Variants in KIAA1549L observed in about 807,000 individuals in gnomAD.
KIAA1549L encodes UPF0606 protein KIAA1549L.
Under a neutral mutation model 160.7 loss-of-function variants are expected in KIAA1549L, and 88 were observed. The observed-to-expected ratio is 0.55, with a 90% CI of 0.46 to 0.65. The LOEUF (loss-of-function observed/expected upper bound fraction) is 0.65, where lower values mean the gene tolerates loss of function less well. Ranked by LOEUF, KIAA1549L falls within the 30% of genes least tolerant of loss-of-function variation. The pLI is 0.00. For synonymous variants in KIAA1549L, 950 were observed against 976.7 expected, an observed-to-expected ratio of 0.97 and a Z score of 0.51; for missense variants, 2,258 against 2,437.5, an observed-to-expected ratio of 0.93 and a Z score of 1.55.
chr11:33,653,287 C>A (rs1360442528), intron 17 of KIAA1549L, among the ~76,000 whole-genome samples: 1 of 151,902 alleles, frequency 6.6e-6, no homozygotes, highest in African/African-American at 2.4e-5. Flanking sequence ...TACTGATGCT[C>A]AAAAAAAATT....
chr11:33,560,032 A>G, intron 7 of KIAA1549L, 121 bp downstream of exon 7: 1 of 940,184 alleles, frequency 1.1e-6, no homozygotes, highest in Non-Finnish European at 1.6e-6. Context: ...CAGCTAAAAT[A>G]TGTGATGGAT....
chr11:33,532,701 G>A (rs564560462), intron 1 of KIAA1549L, among the ~76,000 whole-genome samples: 1 of 152,260 alleles, frequency 6.6e-6, no homozygotes, highest in African/African-American at 2.4e-5. Context: ...CTCCATGAAT[G>A]TTTCTTAATT....
chr11:33,451,862 C>T (rs1165871302), intron 1 of KIAA1549L, among the ~76,000 whole-genome samples: 4 of 152,202 alleles, frequency 2.6e-5, no homozygotes, highest in Admixed American at 6.5e-5. Flanking sequence ...TGCTGGGACT[C>T]CTCTAGAGTT....
intron 6 of KIAA1549L, among the ~76,000 whole-genome samples, chr11:33,559,149 T>C (rs1246346942): frequency 6.6e-6 from 1 of 152,116 alleles, no homozygotes; most frequent in Non-Finnish European, 1.5e-5. Context: ...CTGAATTCCT[T>C]TTCTAATTAG....
At position 33,434,235 on chromosome 11, in the gene KIAA1549L, C is replaced by T. The variant is rs148435361; in HGVS notation, c.238+57346C>T. ...GGGGCAGTTTCTCCCATACTGTTCTCGTGGTAGTGAATAAGTCTCATGAGA... is the reference window on the plus strand; with the variant it reads ...GGGGCAGTTTCTCCCATACTGTTCTTGTGGTAGTGAATAAGTCTCATGAGA... On this transcript the variant is annotated intron_variant, in intron 1 of 20. Coordinates refer to ENST00000658780, the MANE Select transcript of KIAA1549L (RefSeq NM_012194.3). 9.9e-5 allele frequency among the ~76,000 whole-genome samples: 15 copies of T among 152,112 alleles called. 1 individual carries two copies. The highest frequency in any genetic ancestry group is 2.1e-4 in the South Asian group (1 of 4,816).
chr11:33,495,816 A>G (rs1355384546), intron 1 of KIAA1549L, among the ~76,000 whole-genome samples: 2 of 151,712 alleles, frequency 1.3e-5, no homozygotes, highest in Non-Finnish European at 2.9e-5. Context: ...AATGATTGCC[A>G]TTCTAACTGG....
intron 6 of KIAA1549L, among the ~76,000 whole-genome samples, chr11:33,554,412 A>T (rs1472185992): frequency 5.3e-5 from 8 of 152,252 alleles, no homozygotes. Context: ...AAGCAAAAAG[A>T]GGAAGTGATT....
chr11:33,517,340 G>A (rs559556986), intron 1 of KIAA1549L, among the ~76,000 whole-genome samples: 14 of 152,314 alleles, frequency 9.2e-5, no homozygotes, highest in Non-Finnish European at 1.9e-4. Context: ...CGCCTCTGTA[G>A]CTGGGGGAGC....
rs556430368 is a variant in KIAA1549L at position 33,645,586 on chromosome 11, C to G, written c.5410-100C>G. On this transcript the variant is annotated intron_variant, in intron 16 of 20. Coordinates refer to ENST00000658780, the MANE Select transcript of KIAA1549L (RefSeq NM_012194.3). ...GATATAATTTAAATTAGCACAGATG[C>G]ATCCTAGCACCTGTCCAAGTGAATG... 3 of 846,734 alleles carry G rather than the reference C, an allele frequency of 3.5e-6. No homozygotes were observed. In the African/African-American group the frequency reaches 5.1e-5, roughly 14 times the overall value. The allele number at this position is 846,734 out of a possible 1,614,324, so 52.5% of individuals were successfully genotyped here. A position where few individuals can be genotyped will look rare whatever the true frequency, so the allele number is the denominator to read the frequency against.
intron 1 of KIAA1549L, among the ~76,000 whole-genome samples, chr11:33,454,121 C>T (rs968057281): frequency 2.2e-4 from 34 of 152,202 alleles, no homozygotes; most frequent in African/African-American, 8.2e-4. Flanking sequence ...ACAGCTGTTA[C>T]ACAAGCTCTC....
Position 33,609,941 on chromosome 11 carries a change from G to A in KIAA1549L, c.5254G>A (p.Ala1752Thr). 1.9e-6 allele frequency: 3 copies of A among 1,613,876 alleles called. No individual in the cohort carries two copies. The highest frequency in any genetic ancestry group is 2.2e-5 in the South Asian group (2 of 91,056). ...TTTGGATCCAGATTCAGAACTCTGTGCTCCATTCACCGAGTCTAAAAACAG... is the reference window on the plus strand; with the variant it reads ...TTTGGATCCAGATTCAGAACTCTGTACTCCATTCACCGAGTCTAAAAACAG... ...HVLDPDSELCAPFTESKNRQQ... is the reference protein window; with the variant it reads ...HVLDPDSELCTPFTESKNRQQ... The change falls in exon 15 of 21, where the codon GCT becomes ACT. Residue 1752 changes from alanine to threonine, a missense_variant. Ala to Thr is a moderately conservative substitution (Grantham distance 58). This residue lies in a region of KIAA1549L where 1,359 missense variants were observed against 1,546.6 expected (regional missense o/e 0.88). Transcript: ENST00000658780.
chr11:33,398,397 G>A (rs932185779), intron 1 of KIAA1549L, among the ~76,000 whole-genome samples: 4 of 152,160 alleles, frequency 2.6e-5, no homozygotes, highest in African/African-American at 9.7e-5. Context: ...AAACTTTTAT[G>A]GCAATTAGGC....
chr11:33,581,131 C>T (rs1189509116), intron 10 of KIAA1549L, among the ~76,000 whole-genome samples: 7 of 152,082 alleles, frequency 4.6e-5, no homozygotes, highest in Admixed American at 4.6e-4. Context: ...GGGCTGGGAC[C>T]CCACTGGGAA....
chr11:33,648,708 C>G (rs1317456188), intron 17 of KIAA1549L, among the ~76,000 whole-genome samples: 1 of 151,706 alleles, frequency 6.6e-6, no homozygotes, highest in African/African-American at 2.4e-5. Context: ...AGAAATTGGA[C>G]TCCACATCTA....
intron 1 of KIAA1549L, among the ~76,000 whole-genome samples, chr11:33,426,492 A>G (rs66533705): frequency 0.2 from 30,730 of 152,060 alleles, 3,286 homozygotes; most frequent in African/African-American, 0.29. Flanking sequence ...TGAGATCCCC[A>G]GAGGCCCTCC....
intron 20 of KIAA1549L, among the ~76,000 whole-genome samples, chr11:33,664,074 A>T (rs571502088): frequency 6.6e-6 from 1 of 152,344 alleles, no homozygotes; most frequent in African/African-American, 2.4e-5. Context: ...TTTTCCTCTA[A>T]GATACAAATG....
intron 10 of KIAA1549L, among the ~76,000 whole-genome samples, chr11:33,575,697 G>A (rs1228135556): frequency 6.6e-6 from 1 of 152,228 alleles, no homozygotes; most frequent in Non-Finnish European, 1.5e-5. Context: ...AGAAGAAGGT[G>A]TGTGTATTCC....
At chr11:33,591,969 G>A (rs1168534488) in intron 12 of KIAA1549L, among the ~76,000 whole-genome samples, 4 of 152,202 alleles carry the variant, frequency 2.6e-5, no homozygotes, top group Non-Finnish European at 4.4e-5. Context: ...CTGCAGGGCT[G>A]TAGTAAAGTC....
intron 6 of KIAA1549L, among the ~76,000 whole-genome samples, chr11:33,556,102 CATGAGATACCT>C (rs1854638278): frequency 6.6e-6 from 1 of 152,124 alleles, no homozygotes; most frequent in Non-Finnish European, 1.5e-5. Flanking sequence ...AAATCAAAAC[CATGAGATACCT>C]ATTCACATCT....
Sources: allele counts gnomAD v4.1 joint callset (sites outside exome capture counted in the v4.1 genomes callset), GRCh38; gene constraint gnomAD v4.1.1; regional missense constraint gnomAD v4.1.1; transcripts MANE v1.5; gene names NCBI Gene and HGNC (gene_info 2026-07-23, HGNC 2026-07-21).